ITGA1: variants seen among roughly 807,000 people sequenced by gnomAD.
The protein encoded by ITGA1 is integrin subunit alpha 1, also known as integrin alpha-1.
In ITGA1, 85 loss-of-function variants were observed where a neutral mutation model predicts 145.9. The ratio of observed to expected loss-of-function variants is 0.58; its 90% CI spans 0.49 to 0.70. The LOEUF (loss-of-function observed/expected upper bound fraction) is 0.70. ITGA1 is among the 30% of genes least tolerant of loss of function. ITGA1 has a pLI of 0.00. For missense variants in ITGA1, 1,351 were observed against 1,418.7 expected (o/e 0.95, Z 0.77); for synonymous variants, 520 against 495.3 (o/e 1.05, Z -0.66).
At chr5:52,922,666 C>T (rs909356227) in intron 17 of ITGA1, 111 bp from the exon 18 acceptor site, 3 of 711,634 alleles carry the variant, frequency 4.2e-6, no homozygotes, top group Non-Finnish European at 7.4e-6. Context: ...ATTAGATGCA[C>T]AAGAATGCTG....
chr5:52,847,191 G>A (rs1299150640), intron 1 of ITGA1, among the ~76,000 whole-genome samples: 1 of 152,106 alleles, frequency 6.6e-6, no homozygotes, highest in Non-Finnish European at 1.5e-5. Context: ...TTACTTCTAG[G>A]TAGGGAGGTC....
intron 2 of ITGA1, among the ~76,000 whole-genome samples, chr5:52,859,665 A>T (rs1304699243): frequency 2.0e-5 from 3 of 152,210 alleles, no homozygotes; most frequent in African/African-American, 7.2e-5. Context: ...ATCAATTTGT[A>T]CTTCAATGCA....
At chr5:52,807,766 C>A (rs2111678656) in intron 1 of ITGA1, among the ~76,000 whole-genome samples, 1 of 152,180 alleles carries the variant, frequency 6.6e-6, no homozygotes, top group East Asian at 1.9e-4. Context: ...TAAAGCAATC[C>A]CCTCAAGCAC....
chr5:52,926,711 C>T (rs1750816877), intron 19 of ITGA1, among the ~76,000 whole-genome samples: 1 of 151,922 alleles, frequency 6.6e-6, no homozygotes, highest in Non-Finnish European at 1.5e-5. Flanking sequence ...TTGCCTGTAT[C>T]CTCCTATGCT....
At chr5:52,838,639 C>T (rs914301577) in intron 1 of ITGA1, among the ~76,000 whole-genome samples, 14 of 152,068 alleles carry the variant, frequency 9.2e-5, no homozygotes, top group African/African-American at 3.1e-4. Context: ...CTCTTTAAGT[C>T]CCACAGCAAA....
At chr5:52,885,562 T>A (rs1750033294) in intron 7 of ITGA1, among the ~76,000 whole-genome samples, 2 of 152,196 alleles carry the variant, frequency 1.3e-5, no homozygotes, top group African/African-American at 4.8e-5. Context: ...AATATATATT[T>A]ATTATTTGTT....
At chr5:52,806,279 T>C (rs1299096860) in intron 1 of ITGA1, among the ~76,000 whole-genome samples, 3 of 151,536 alleles carry the variant, frequency 2.0e-5, no homozygotes, top group African/African-American at 7.3e-5. Context: ...ATAATATTTT[T>C]GTGAATCAAT....
chr5:52,905,018 G>A (rs1452713025), intron 11 of ITGA1: 1 of 152,098 alleles, frequency 6.6e-6, no homozygotes, highest in Non-Finnish European at 1.5e-5. Context: ...CACAAAGCCT[G>A]GGACAGTTTC....
Position 52,934,011 on chromosome 5 carries a change from C to G in ITGA1, c.2964+15C>G. 9.2e-7 allele frequency: 1 copy of G among 1,090,596 alleles called. No homozygotes were observed. The highest frequency in any genetic ancestry group is 1.3e-6 in the Non-Finnish European group (1 of 765,940). 67.6% of individuals were successfully genotyped at this position (1,090,596 alleles called of 1,614,324 possible). The stretch of plus-strand genomic sequence containing the variant: ...TCTTCTACTTGGTAAGAAATTACCT[C>G]TAAAATAGTATTCTAAAGGAGTTAT... On this transcript the variant is annotated intron_variant, in intron 23 of 28. Transcript: ENST00000282588.
At chr5:52,884,762 C>T (rs773467894) in intron 7 of ITGA1, among the ~76,000 whole-genome samples, 1 of 152,172 alleles carries the variant, frequency 6.6e-6, no homozygotes, top group Non-Finnish European at 1.5e-5. Context: ...ATATTCTAAA[C>T]ACTTGACATG....
At position 52,910,206 on chromosome 5, in the gene ITGA1, G is replaced by C. The variant is rs758319956; in HGVS notation, c.1644G>C (p.Thr548=). Residue 548 remains threonine (T), a synonymous_variant, in exon 14 of 29, where the codon ACG becomes ACC. Coordinates refer to ENST00000282588, the MANE Select transcript of ITGA1 (RefSeq NM_181501.2). ...TGAGCCTGGAACCTATTAAGCAGACGTGCTGTTCATCTCGGCAGCACAATT... is the reference window on the plus strand; with the variant it reads ...TGAGCCTGGAACCTATTAAGCAGACCTGCTGTTCATCTCGGCAGCACAATT... ...YQMSLEPIKQ[T]CCSSRQHNSC... 2 of 1,613,632 alleles carry C rather than the reference G, an allele frequency of 1.2e-6. No individual in the cohort carries two copies. Among genetic ancestry groups the C allele is most frequent in the Non-Finnish European group, 1.7e-6 (2 of 1,179,648 alleles).
At chr5:52,860,515 C>T (rs556761358) in intron 2 of ITGA1, among the ~76,000 whole-genome samples, 1 of 152,154 alleles carries the variant, frequency 6.6e-6, no homozygotes, top group South Asian at 2.1e-4. Flanking sequence ...CACTGCACTC[C>T]AGTCTGGCAA....
At chr5:52,919,040 G>T (rs1723263403) in intron 16 of ITGA1, 142 bp downstream of exon 16, 3 of 679,532 alleles carry the variant, frequency 4.4e-6, no homozygotes, top group African/African-American at 3.7e-5. Flanking sequence ...GCAGAACCTT[G>T]AAAAAAAATT....
intron 6 of ITGA1, among the ~76,000 whole-genome samples, chr5:52,876,466 A>G (rs1044725332): frequency 6.6e-6 from 1 of 152,198 alleles, no homozygotes; most frequent in Non-Finnish European, 1.5e-5. Context: ...GCACCCCGGT[A>G]TCAGCCAGGG....
intron 6 of ITGA1, among the ~76,000 whole-genome samples, chr5:52,870,504 A>T (rs962276648): frequency 3.9e-5 from 6 of 152,226 alleles, no homozygotes; most frequent in Non-Finnish European, 7.3e-5. Flanking sequence ...GAAAGGCTTC[A>T]GTGGGGTCAT....
At chr5:52,926,387 G>A (rs1312920822) in intron 19 of ITGA1, among the ~76,000 whole-genome samples, 3 of 151,996 alleles carry the variant, frequency 2.0e-5, no homozygotes, top group Admixed American at 6.6e-5. Flanking sequence ...CAAATCACGG[G>A]GTCAGGAGAT....
intron 1 of ITGA1, among the ~76,000 whole-genome samples, chr5:52,807,341 G>A (rs1748603986): frequency 6.6e-6 from 1 of 152,086 alleles, no homozygotes; most frequent in African/African-American, 2.4e-5. Flanking sequence ...AGGTCTTATG[G>A]TAAGTGCTTT....
chr5:52,808,011 T>C (rs566945842), intron 1 of ITGA1, among the ~76,000 whole-genome samples: 4 of 152,294 alleles, frequency 2.6e-5, no homozygotes, highest in East Asian at 1.9e-4. Flanking sequence ...AGTGGCCAAG[T>C]TGACAGAATT....
intron 6 of ITGA1, among the ~76,000 whole-genome samples, chr5:52,874,693 C>T (rs781412222): frequency 4.0e-5 from 6 of 151,866 alleles, no homozygotes; most frequent in African/African-American, 4.8e-5. Context: ...AGTGTCTGGA[C>T]GATCAAGTAT....
Sources: gnomAD v4.1 joint callset for allele counts (sites outside exome capture counted in the v4.1 genomes callset) on GRCh38, gnomAD v4.1.1 for gene constraint, MANE v1.5 for transcripts, NCBI Gene and HGNC (gene_info 2026-07-23, HGNC 2026-07-21) for gene names.